The following C10orf67 variants were observed in gnomAD, a reference collection of about 807,000 sequenced individuals.
C10orf67 encodes uncharacterized protein C10orf67, mitochondrial.
Under a neutral mutation model 35.6 loss-of-function variants are expected in C10orf67, and 60 were observed. The ratio of observed to expected loss-of-function variants is 1.68; its 90% CI spans 1.37 to 2.09. The LOEUF (loss-of-function observed/expected upper bound fraction) is 2.09. Ranked by LOEUF, C10orf67 falls within the 30% of genes most tolerant of loss-of-function variation. C10orf67 has a pLI of 0.00. For missense variants in C10orf67, 474 were observed against 330.2 expected (o/e 1.44, Z -3.38); for synonymous variants, 167 against 115.8 (o/e 1.44, Z -2.84).
chr10:23,238,347 T>A lies in C10orf67; in HGVS notation c.1434+1382A>T, dbSNP rs76884704. Among the ~76,000 whole-genome samples, 370 of 152,336 alleles carry A rather than the reference T, an allele frequency of 2.4e-3. 3 individuals carry two copies. The highest frequency in any genetic ancestry group is 1.6e-3 in the Non-Finnish European group (107 of 68,020). On this transcript the variant is annotated intron_variant, in intron 13 of 15. Transcript: ENST00000636213. ...ATTTGAAAATCTGTATACACTCTGA[T>A]GAGTATCTCATGTGTCAACATACTG...
chr10:23,334,851 C>A (rs1310564889), intron 1 of C10orf67, among the ~76,000 whole-genome samples: 5 of 152,170 alleles, frequency 3.3e-5, no homozygotes, highest in Admixed American at 3.3e-4. Context: ...CACTAGGTGA[C>A]TACAAGGGGG....
Position 23,344,667 on chromosome 10 carries a change from C to T in C10orf67, c.108G>A (p.Glu36=), listed in dbSNP as rs1443355606. ...SLRGTFGTRW[E]AMKAKATELR... ...GCTCGGTGGCCTTGGCTTTCATGGC[C>T]TCCCAGCGTGTGCCAAAGGTCCCCC... The change falls in exon 1 of 16, where the codon GAG becomes GAA. Residue 36 remains glutamate, a synonymous_variant. Coordinates refer to ENST00000636213, the MANE Select transcript of C10orf67 (RefSeq NM_001371909.1). 1.9e-6 allele frequency: 3 copies of T among 1,580,388 alleles called. No homozygotes were observed. Among genetic ancestry groups the T allele is most frequent in the South Asian group, 1.2e-5 (1 of 86,046 alleles).
At position 23,239,786 on chromosome 10, in the gene C10orf67, T is replaced by A. The variant is rs1208027939; in HGVS notation, c.1377A>T (p.Thr459=). The change falls in exon 13 of 16, where the codon ACA becomes ACT. Residue 459 remains threonine, a synonymous_variant. Coordinates refer to ENST00000636213, the MANE Select transcript of C10orf67 (RefSeq NM_001371909.1). ...CAAACTGACGAAACAGTGTGTGCCT[T>A]GTAAACATCTCATTCTTAAGGACAT... is the stretch of plus-strand genomic sequence containing the variant. ...SFHVLKNEMF[T]RHTLFRQFAV... is the part of the protein sequence containing the mutation. 1.6e-6 allele frequency: 1 copy of A among 635,150 alleles called. No individual in the cohort carries two copies. The highest frequency in any genetic ancestry group is 2.0e-5 in the Admixed American group (1 of 49,308). The allele number at this position is 635,150 out of a possible 1,614,324, so 39.3% of individuals were successfully genotyped here. A position where few individuals can be genotyped will look rare whatever the true frequency, so the allele number is the denominator to read the frequency against.
intron 4 of C10orf67, among the ~76,000 whole-genome samples, chr10:23,304,040 C>T (rs1237108340): frequency 1.3e-5 from 2 of 152,210 alleles, no homozygotes; most frequent in East Asian, 1.9e-4. Flanking sequence ...GAATCACATT[C>T]ACCTGTACCT....
intron 10 of C10orf67, among the ~76,000 whole-genome samples, chr10:23,252,974 A>G (rs1842499454): frequency 1.3e-5 from 2 of 152,096 alleles, no homozygotes; most frequent in Non-Finnish European, 2.9e-5. Context: ...AAGATAGCGA[A>G]TGGGTCTCAC....
intron 13 of C10orf67, among the ~76,000 whole-genome samples, chr10:23,226,440 G>C (rs1381553135): frequency 6.6e-6 from 1 of 152,114 alleles, no homozygotes; most frequent in South Asian, 2.1e-4. Context: ...ATTTAAAGCA[G>C]TGTGTAGAGG....
chr10:23,329,562 G>A (rs1468219216), intron 2 of C10orf67, among the ~76,000 whole-genome samples: 1 of 152,016 alleles, frequency 6.6e-6, no homozygotes, highest in East Asian at 1.9e-4. Flanking sequence ...TTGGTACCAA[G>A]ATTGAACAAC....
At chr10:23,341,435 G>A (rs753467953) in intron 1 of C10orf67, among the ~76,000 whole-genome samples, 2 of 152,122 alleles carry the variant, frequency 1.3e-5, no homozygotes, top group Non-Finnish European at 2.9e-5. Flanking sequence ...GCTACCCCAT[G>A]GTCATCTTCC....
intron 1 of C10orf67, among the ~76,000 whole-genome samples, chr10:23,339,942 C>T (rs1845818850): frequency 1.3e-5 from 2 of 152,160 alleles, no homozygotes; most frequent in Non-Finnish European, 2.9e-5. Context: ...TTTAACAGAT[C>T]CCAGTGATTC....
intron 5 of C10orf67, among the ~76,000 whole-genome samples, chr10:23,301,847 T>C (rs943535539): frequency 7.2e-5 from 11 of 152,334 alleles, no homozygotes; most frequent in Admixed American, 5.9e-4. Context: ...ACCCAGTAAC[T>C]AGCGTTCAGC....
intron 7 of C10orf67, 87 bp downstream of exon 7, chr10:23,289,811 TAA>T: frequency 1.5e-6 from 1 of 668,728 alleles, no homozygotes; most frequent in Non-Finnish European, 2.7e-6. Flanking sequence ...CTCTATGTCA[TAA>T]GACACTCTGG....
chr10:23,242,585 T>TA (rs139145555), intron 12 of C10orf67, among the ~76,000 whole-genome samples: 4 of 151,894 alleles, frequency 2.6e-5, no homozygotes, highest in Admixed American at 1.3e-4. Context: ...TTCATGGAGT[T>TA]AAAAAAACAG....
At chr10:23,211,250 C>T (rs554137156) in intron 15 of C10orf67, among the ~76,000 whole-genome samples, 74 of 152,268 alleles carry the variant, frequency 4.9e-4, no homozygotes, top group African/African-American at 1.8e-3. Context: ...GTGGTTGCAT[C>T]ACTCCAATCT....
chr10:23,273,818 AC>A (rs1843099509), intron 8 of C10orf67, among the ~76,000 whole-genome samples: 1 of 152,200 alleles, frequency 6.6e-6, no homozygotes, highest in Non-Finnish European at 1.5e-5. Context: ...GCAAACTACC[AC>A]ACACAGTAAA....
At chr10:23,299,996 T>C (rs1316238308) in intron 5 of C10orf67, among the ~76,000 whole-genome samples, 6 of 149,450 alleles carry the variant, frequency 4.0e-5, no homozygotes, top group African/African-American at 1.5e-4. Context: ...AAAAAAAAAT[T>C]ACTGAGAAGT....
rs1490148848 is a variant in C10orf67 at position 23,322,375 on chromosome 10, GA to G, written c.471+18del. ...CAGTATCAATCCACATAAAACAAAAGAAATAAGAGAACATTTACCTGTTGAT... is the reference window on the plus strand; with the variant it reads ...CAGTATCAATCCACATAAAACAAAAGAATAAGAGAACATTTACCTGTTGAT... On this transcript the variant is annotated intron_variant, in intron 3 of 15. Transcript: ENST00000636213. 1 of 1,603,884 alleles carries G rather than the reference GA, an allele frequency of 6.2e-7. No homozygotes were observed. Among genetic ancestry groups the G allele is most frequent in the Middle Eastern group, 1.7e-4 (1 of 6,008 alleles).
At chr10:23,222,381 G>T (rs752183734) in intron 15 of C10orf67, among the ~76,000 whole-genome samples, 1 of 152,100 alleles carries the variant, frequency 6.6e-6, no homozygotes. Flanking sequence ...AAATAAAATT[G>T]CAGGCCATAA....
At chr10:23,290,300 A>G (rs1400116647) in intron 6 of C10orf67, among the ~76,000 whole-genome samples, 1 of 152,238 alleles carries the variant, frequency 6.6e-6, no homozygotes, top group Non-Finnish European at 1.5e-5. Context: ...AACGACCCAA[A>G]ACTAAAAAGC....
intron 4 of C10orf67, among the ~76,000 whole-genome samples, chr10:23,319,400 T>G (rs149490030): frequency 3.7e-4 from 56 of 152,304 alleles, no homozygotes; most frequent in African/African-American, 1.3e-3. Flanking sequence ...TTTTATCCAG[T>G]CCACCGTTGA....
Sources: allele counts gnomAD v4.1 joint callset (sites outside exome capture counted in the v4.1 genomes callset), GRCh38; gene constraint gnomAD v4.1.1; transcripts MANE v1.5; gene names NCBI Gene and HGNC (gene_info 2026-07-23, HGNC 2026-07-21).